ELAVL2: variants seen among roughly 807,000 people sequenced by gnomAD.
ELAVL2 encodes the protein ELAV-like protein 2.
ELAVL2 carries 4 observed loss-of-function variants against 34.6 expected under a neutral mutation model. That is an observed-to-expected ratio of 0.12 (90% confidence interval 0.06 to 0.26). The LOEUF (loss-of-function observed/expected upper bound fraction) is 0.26, where lower values mean the gene tolerates loss of function less well. ELAVL2 is among the 10% of genes least tolerant of loss of function. The probability of loss-of-function intolerance (pLI) is 1.00; values close to 1 mark genes in which losing one functional copy is unlikely to be tolerated. For synonymous variants in ELAVL2, 193 were observed against 154.8 expected, an observed-to-expected ratio of 1.25 and a Z score of -1.83; for missense variants, 432 against 442.8, an observed-to-expected ratio of 0.98 and a Z score of 0.22.
At chr9:23,815,420 G>A (rs933372141) in intron 1 of ELAVL2, among the ~76,000 whole-genome samples, 3 of 151,930 alleles carry the variant, frequency 2.0e-5, no homozygotes, top group Admixed American at 2.0e-4. Context: ...CTGCAGTCTG[G>A]GATTTTTCTT....
chr9:23,838,116 A>G, the ELAVL2 span, among the ~76,000 whole-genome samples: 1 of 152,232 alleles, frequency 6.6e-6, no homozygotes, highest in Non-Finnish European at 1.5e-5. Flanking sequence ...ATGAAATATT[A>G]TTAAGCATAT....
chr9:23,843,125 A>C, the ELAVL2 span, among the ~76,000 whole-genome samples: 1 of 152,140 alleles, frequency 6.6e-6, no homozygotes, highest in Non-Finnish European at 1.5e-5. Context: ...TTAGCATATA[A>C]AATATACAGC....
intron 1 of ELAVL2, among the ~76,000 whole-genome samples, chr9:23,811,827 G>C (rs182230093): frequency 1.3e-5 from 2 of 152,106 alleles, no homozygotes; most frequent in Admixed American, 1.3e-4. Context: ...AGTAGGTTTT[G>C]CAGAAATACT....
chr9:23,700,025 G>A (rs966818743), intron 5 of ELAVL2, among the ~76,000 whole-genome samples: 1 of 151,306 alleles, frequency 6.6e-6, no homozygotes, highest in African/African-American at 2.4e-5. Flanking sequence ...TTTTTAAAAG[G>A]AGCTATTTTT....
intron 3 of ELAVL2, among the ~76,000 whole-genome samples, chr9:23,724,132 G>C (rs905291726): frequency 1.3e-5 from 2 of 152,186 alleles, no homozygotes; most frequent in East Asian, 3.9e-4. Flanking sequence ...CCCCTGTGGA[G>C]CATGCTTAGG....
chr9:23,750,236 TTGTA>T (rs1377322266), intron 2 of ELAVL2, among the ~76,000 whole-genome samples: 4 of 152,068 alleles, frequency 2.6e-5, no homozygotes, highest in African/African-American at 7.2e-5. Context: ...AGGACTAGCT[TTGTA>T]TGTTCTAGAG....
intron 3 of ELAVL2, among the ~76,000 whole-genome samples, chr9:23,711,119 A>C (rs1449655407): frequency 2.0e-5 from 3 of 152,236 alleles, no homozygotes; most frequent in Non-Finnish European, 4.4e-5. Flanking sequence ...GCCTAAGATA[A>C]CAATAAGAAA....
intron 5 of ELAVL2, among the ~76,000 whole-genome samples, chr9:23,694,575 C>T (rs568242881): frequency 6.6e-6 from 1 of 152,310 alleles, no homozygotes; most frequent in South Asian, 2.1e-4. Flanking sequence ...TTCTTTAACA[C>T]CCGTGAAAGG....
the ELAVL2 span, among the ~76,000 whole-genome samples, chr9:23,836,968 G>A: frequency 2.6e-5 from 4 of 152,160 alleles, no homozygotes; most frequent in Admixed American, 2.6e-4. Context: ...CACATAAGCA[G>A]GGTTAAGAAG....
At chr9:23,831,836 G>A in the ELAVL2 span, among the ~76,000 whole-genome samples, 20 of 152,106 alleles carry the variant, frequency 1.3e-4, no homozygotes, top group African/African-American at 4.8e-4. Flanking sequence ...GGGGCAGTGA[G>A]AGAGAAGAAA....
At chr9:23,843,732 C>A in the ELAVL2 span, among the ~76,000 whole-genome samples, 1 of 152,024 alleles carries the variant, frequency 6.6e-6, no homozygotes, top group East Asian at 1.9e-4. Flanking sequence ...TATTTAATTA[C>A]TTCTGCTTTT....
intron 5 of ELAVL2, among the ~76,000 whole-genome samples, chr9:23,694,331 A>C (rs11790328): frequency 0.27 from 41,254 of 151,936 alleles, 6,162 homozygotes; most frequent in South Asian, 0.5. Context: ...AACCTTCTAC[A>C]TTTTTCCTAT....
chr9:23,753,070 A>T (rs1006327813), intron 2 of ELAVL2, among the ~76,000 whole-genome samples: 4 of 152,212 alleles, frequency 2.6e-5, no homozygotes, highest in African/African-American at 9.6e-5. Flanking sequence ...GACAATCTAA[A>T]ACTTTAAAGA....
At chr9:23,761,648 A>G (rs2055032457) in intron 2 of ELAVL2, among the ~76,000 whole-genome samples, 1 of 151,988 alleles carries the variant, frequency 6.6e-6, no homozygotes, top group Non-Finnish European at 1.5e-5. Context: ...CCCTCTCCCA[A>G]ACACATATTG....
Position 23,714,751 on chromosome 9 carries a change from G to A in ELAVL2, c.334-9680C>T, listed in dbSNP as rs185686692. On this transcript the variant is annotated intron_variant, in intron 3 of 6. Transcript: ENST00000397312. ...ATGGGTATGTTTCTGCATGTGAAAT[G>A]TGTTACAAGCTACCATGCAATCGGC... 3.5e-4 allele frequency among the ~76,000 whole-genome samples: 54 copies of A among 152,198 alleles called. 1 individual carries two copies. In the East Asian group the frequency reaches 9.8e-3, roughly 28 times the overall value.
intron 2 of ELAVL2, among the ~76,000 whole-genome samples, chr9:23,744,076 G>T (rs12551721): frequency 0.022 from 3,311 of 152,270 alleles, 207 homozygotes; most frequent in Admixed American, 0.12. Context: ...TAAGGAAAAG[G>T]AGGTTAGGAG....
chr9:23,753,173 A>G (rs1382148501), intron 2 of ELAVL2, among the ~76,000 whole-genome samples: 1 of 152,208 alleles, frequency 6.6e-6, no homozygotes, highest in African/African-American at 2.4e-5. Flanking sequence ...ATGCCAGAAA[A>G]TATCTGTTAA....
rs1028506184 is a variant in ELAVL2 at position 23,761,897 on chromosome 9, G to A, written c.229+109C>T. On this transcript the variant is annotated intron_variant, in intron 2 of 6. Coordinates refer to ENST00000397312, the MANE Select transcript of ELAVL2 (RefSeq NM_004432.5). ...GATGTAATAACAGAGAGAAAATCTA[G>A]ATATGTAAAATTGCAGCAGTGAATT... is the stretch of plus-strand genomic sequence containing the variant. 10 of 1,336,114 alleles carry A rather than the reference G, an allele frequency of 7.5e-6. No individual in the cohort carries two copies. In the African/African-American group the frequency reaches 1.5e-4, roughly 20 times the overall value. The allele number at this position is 1,336,114 out of a possible 1,614,324, so 82.8% of individuals were successfully genotyped here.
At chr9:23,781,838 C>T (rs931560486) in intron 1 of ELAVL2, among the ~76,000 whole-genome samples, 1 of 152,072 alleles carries the variant, frequency 6.6e-6, no homozygotes, top group African/African-American at 2.4e-5. Flanking sequence ...GCAACCGCCA[C>T]CACGCCCGGC....
Sources: gnomAD v4.1 joint callset for allele counts (sites outside exome capture counted in the v4.1 genomes callset) on GRCh38, gnomAD v4.1.1 for gene constraint, MANE v1.5 for transcripts, NCBI Gene and HGNC (gene_info 2026-07-23, HGNC 2026-07-21) for gene names.